The following RANBP17 variants were observed in gnomAD, a reference collection of about 807,000 sequenced individuals.
RANBP17 encodes the protein RAN binding protein 17.
Under a neutral mutation model 141.2 loss-of-function variants are expected in RANBP17, and 158 were observed. The observed-to-expected ratio is 1.12, with a 90% CI of 0.98 to 1.28. The LOEUF is 1.28. Among genes scored for constraint, RANBP17 ranks in the 50% most tolerant of loss-of-function variants. The pLI, the probability that RANBP17 is intolerant of heterozygous loss-of-function variation, is 0.00. For missense variants in RANBP17, 1,438 were observed against 1,290.7 expected (o/e 1.11, Z -1.75); for synonymous variants, 430 against 450.0 (o/e 0.96, Z 0.56).
intron 14 of RANBP17, among the ~76,000 whole-genome samples, chr5:171,036,453 T>C (rs1309354293): frequency 6.6e-6 from 1 of 152,166 alleles, no homozygotes; most frequent in East Asian, 1.9e-4. Flanking sequence ...TTCTTTATAA[T>C]TTCAGCATTT....
At chr5:170,972,142 A>G (rs546798500) in intron 14 of RANBP17, among the ~76,000 whole-genome samples, 146 of 145,312 alleles carry the variant, frequency 1.0e-3, no homozygotes, top group African/African-American at 3.6e-3. Context: ...TGTTAACTTT[A>G]TATAAAAGTA....
chr5:171,229,067 T>C (rs934815701), intron 22 of RANBP17, among the ~76,000 whole-genome samples: 1 of 152,192 alleles, frequency 6.6e-6, no homozygotes, highest in African/African-American at 2.4e-5. Context: ...TACAAGAAGA[T>C]AGCTAAATAA....
At chr5:171,252,623 T>G in intron 24 of RANBP17, 1 of 1,359,412 alleles carries the variant, frequency 7.4e-7, no homozygotes, top group Non-Finnish European at 1.1e-6. Flanking sequence ...CTTCATCGAT[T>G]TACAAAACTC....
At position 171,171,231 on chromosome 5, in the gene RANBP17, A is replaced by G. The variant is rs1760079141; in HGVS notation, c.1810A>G (p.Arg604Gly). 2.5e-6 allele frequency: 4 copies of G among 1,593,568 alleles called. No homozygotes were observed. Among genetic ancestry groups the G allele is most frequent in the Non-Finnish European group, 3.4e-6 (4 of 1,167,126 alleles). Residue 604 changes from arginine to glycine, a missense_variant, in exon 16 of 28, where the codon AGA becomes GGA. Coordinates refer to ENST00000523189, the MANE Select transcript of RANBP17 (RefSeq NM_022897.5). ...KIVTNLKYWG[R>G]YEPVISRTLQ... is the part of the protein sequence containing the mutation. Reference sequence around the variant, plus strand: ...TGTTACAAACCTTAAATACTGGGGAAGATATGAGCCTGTAATTTCAAGGAC... The same window carrying G: ...TGTTACAAACCTTAAATACTGGGGAGGATATGAGCCTGTAATTTCAAGGAC...
At chr5:171,260,193 G>A (rs1305837657) in intron 24 of RANBP17, among the ~76,000 whole-genome samples, 2 of 150,124 alleles carry the variant, frequency 1.3e-5, no homozygotes, top group South Asian at 2.1e-4. Context: ...CCAGCTAGTC[G>A]GGGAGGCTGA....
intron 14 of RANBP17, among the ~76,000 whole-genome samples, chr5:171,118,054 G>C (rs1755770057): frequency 6.6e-6 from 1 of 152,028 alleles, no homozygotes; most frequent in African/African-American, 2.4e-5. Flanking sequence ...GTGATTTTGA[G>C]GTCTTATGCA....
intron 5 of RANBP17, among the ~76,000 whole-genome samples, chr5:170,898,608 A>G (rs923162439): frequency 4.6e-5 from 7 of 152,158 alleles, no homozygotes; most frequent in African/African-American, 1.2e-4. Context: ...GCCCATGCCT[A>G]TGTCCTTAGT....
chr5:171,213,598 G>T lies in RANBP17; in HGVS notation c.2232-33G>T, dbSNP rs779315018. 15 of 1,456,200 alleles carry T rather than the reference G, an allele frequency of 1.0e-5. No homozygotes were observed. In the South Asian group the frequency reaches 1.7e-4, roughly 17 times the overall value. The allele number at this position is 1,456,200 out of a possible 1,614,324, so 90.2% of individuals were successfully genotyped here. ...AATTTTCAGAAACAGTATTTCTTTA[G>T]ACCCTTAAATTCTTTAACAGGCTTT... On this transcript the variant is annotated intron_variant, in intron 20 of 27. Coordinates refer to ENST00000523189, the MANE Select transcript of RANBP17 (RefSeq NM_022897.5).
chr5:171,221,740 T>A lies in RANBP17; in HGVS notation c.2340-18T>A, dbSNP rs766930610. 2.0e-6 allele frequency: 3 copies of A among 1,530,192 alleles called. No individual in the cohort carries two copies. The highest frequency in any genetic ancestry group is 2.7e-6 in the Non-Finnish European group (3 of 1,107,790). The allele number at this position is 1,530,192 out of a possible 1,614,324, so 94.8% of individuals were successfully genotyped here. A position where few individuals can be genotyped will look rare whatever the true frequency, so the allele number is the denominator to read the frequency against. On this transcript the variant is annotated intron_variant, in intron 21 of 27. Coordinates refer to ENST00000523189, the MANE Select transcript of RANBP17 (RefSeq NM_022897.5). ...TCTTTATCTTCACATATAGGCAATTTTTTTCTATATTTCTTAGATCCCAGC... is the reference window on the plus strand; with the variant it reads ...TCTTTATCTTCACATATAGGCAATTATTTTCTATATTTCTTAGATCCCAGC...
chr5:170,959,863 G>A (rs1452062182), intron 13 of RANBP17, among the ~76,000 whole-genome samples: 2 of 152,138 alleles, frequency 1.3e-5, no homozygotes, highest in South Asian at 2.1e-4. Flanking sequence ...AAGCTGAGAA[G>A]GCGAAGTTGG....
At chr5:171,045,092 T>C (rs1313833778) in intron 14 of RANBP17, among the ~76,000 whole-genome samples, 6 of 152,118 alleles carry the variant, frequency 3.9e-5, no homozygotes, top group Non-Finnish European at 8.8e-5. Context: ...TGTCTGTAAA[T>C]GTGATTTGTA....
intron 14 of RANBP17, among the ~76,000 whole-genome samples, chr5:171,075,745 C>G (rs184605427): frequency 6.6e-6 from 1 of 152,158 alleles, no homozygotes; most frequent in Admixed American, 6.5e-5. Flanking sequence ...TTGAGTCCAG[C>G]AGTTTGAGAC....
At chr5:171,043,786 A>G (rs987830605) in intron 14 of RANBP17, among the ~76,000 whole-genome samples, 9 of 152,242 alleles carry the variant, frequency 5.9e-5, no homozygotes, top group South Asian at 2.1e-4. Context: ...TTGACCTTCA[A>G]TGAAGAGTCT....
intron 25 of RANBP17, among the ~76,000 whole-genome samples, chr5:171,279,470 C>T (rs181475620): frequency 6.6e-6 from 1 of 152,134 alleles, no homozygotes; most frequent in Admixed American, 6.6e-5. Context: ...AGGCCAAACT[C>T]AACCTTTTTA....
chr5:171,219,783 C>T (rs982510933), intron 21 of RANBP17, among the ~76,000 whole-genome samples: 4 of 151,984 alleles, frequency 2.6e-5, no homozygotes, highest in Admixed American at 2.6e-4. Flanking sequence ...TTCTAGTTAG[C>T]AGCTCCTCTA....
chr5:170,901,084 G>C (rs1254193093), intron 5 of RANBP17, among the ~76,000 whole-genome samples: 1 of 152,100 alleles, frequency 6.6e-6, no homozygotes, highest in Non-Finnish European at 1.5e-5. Context: ...CTTTCTCGTT[G>C]ATCTCTCTGA....
chr5:170,957,107 A>ACACACG lies in RANBP17; in HGVS notation c.1574+3406_1574+3407insACACGC, dbSNP rs542213195. ...CACACACACACACACACACACACAC[A>ACACACG]CGCGCACACTGCCACTATCTCGTGA... On this transcript the variant is annotated intron_variant, in intron 13 of 27. Transcript: ENST00000523189. 5.2e-3 allele frequency among the ~76,000 whole-genome samples: 782 copies of ACACACG among 150,490 alleles called. 3 individuals carry two copies. Among genetic ancestry groups the ACACACG allele is most frequent in the South Asian group, 0.018 (83 of 4,684 alleles).
At chr5:171,061,956 G>T (rs1385391361) in intron 14 of RANBP17, among the ~76,000 whole-genome samples, 2 of 151,852 alleles carry the variant, frequency 1.3e-5, no homozygotes, top group Admixed American at 1.3e-4. Context: ...TTTAACGTCT[G>T]TTTTATCAGA....
At chr5:171,068,920 G>A (rs1013984890) in intron 14 of RANBP17, among the ~76,000 whole-genome samples, 4 of 152,100 alleles carry the variant, frequency 2.6e-5, no homozygotes, top group Non-Finnish European at 5.9e-5. Context: ...GCAGTTACTC[G>A]TTTATTTAGT....
Sources: gnomAD v4.1 joint callset for allele counts (sites outside exome capture counted in the v4.1 genomes callset) on GRCh38, gnomAD v4.1.1 for gene constraint, MANE v1.5 for transcripts, NCBI Gene and HGNC (gene_info 2026-07-23, HGNC 2026-07-21) for gene names.